Variants in USP28 observed in about 807,000 individuals in gnomAD.
The protein encoded by USP28 is ubiquitin specific peptidase 28.
In USP28, 113 loss-of-function variants were observed where a neutral mutation model predicts 145.0. That is an observed-to-expected ratio of 0.78 (90% CI 0.67 to 0.91). The LOEUF is 0.91. USP28 is among the 40% of genes least tolerant of loss of function. USP28 has a pLI of 0.00. For synonymous variants in USP28, 447 were observed against 450.9 expected, an observed-to-expected ratio of 0.99 and a Z score of 0.11; for missense variants, 1,201 against 1,289.6, an observed-to-expected ratio of 0.93 and a Z score of 1.05.
chr11:113,859,182 T>G (rs1459174914), intron 1 of USP28, among the ~76,000 whole-genome samples: 2 of 152,138 alleles, frequency 1.3e-5, no homozygotes, highest in Non-Finnish European at 2.9e-5. Flanking sequence ...TGGCTTAACA[T>G]ATGACAGGAA....
intron 1 of USP28, among the ~76,000 whole-genome samples, chr11:113,858,501 T>C (rs1356983671): frequency 6.6e-6 from 1 of 152,200 alleles, no homozygotes; most frequent in East Asian, 1.9e-4. Context: ...CCCATACTGT[T>C]CTCTCCCCTT....
intron 12 of USP28, among the ~76,000 whole-genome samples, chr11:113,823,308 T>C (rs770389321): frequency 3.9e-4 from 59 of 152,102 alleles, no homozygotes; most frequent in Non-Finnish European, 6.6e-4. Context: ...GTGAAAAAGA[T>C]GGCAAGGGGA....
chr11:113,809,194 T>A, exon 17 of USP28: 1 of 1,614,230 alleles, frequency 6.2e-7, no homozygotes, highest in Non-Finnish European at 8.5e-7. Flanking sequence ...AATGTAATGC[T>A]TGAGTTCCAC....
intron 10 of USP28, chr11:113,828,955 AAAC>A (rs1189907032): frequency 1.1e-5 from 7 of 648,710 alleles, no homozygotes; most frequent in Non-Finnish European, 2.0e-5. Flanking sequence ...ATCATACTTA[AAAC>A]ATCAGAAGCA....
At chr11:113,874,560 C>A (rs1417162331) in intron 1 of USP28, 2 of 1,288,396 alleles carry the variant, frequency 1.6e-6, no homozygotes, top group Admixed American at 2.3e-5. Context: ...AATATAGTTT[C>A]TCATCTCCAA....
chr11:113,832,651 T>A (rs1944134121), intron 7 of USP28, among the ~76,000 whole-genome samples: 1 of 152,094 alleles, frequency 6.6e-6, no homozygotes, highest in South Asian at 2.1e-4. Context: ...GAGATCTGAA[T>A]AAAGAAAGAA....
At chr11:113,874,093 A>G (rs1045760841) in intron 1 of USP28, among the ~76,000 whole-genome samples, 4 of 145,768 alleles carry the variant, frequency 2.7e-5, no homozygotes, top group African/African-American at 7.7e-5. Context: ...GTGAGCCGAG[A>G]TCGCGCCACT....
At chr11:113,810,034 C>CAAAAA (rs368686301) in intron 16 of USP28, among the ~76,000 whole-genome samples, 18 of 68,956 alleles carry the variant, frequency 2.6e-4, no homozygotes, top group South Asian at 1.2e-3. Flanking sequence ...GACTCCATCT[C>CAAAAA]AAAAAAAAAA....
chr11:113,849,976 T>C (rs1007399912), intron 3 of USP28, among the ~76,000 whole-genome samples: 1 of 152,196 alleles, frequency 6.6e-6, no homozygotes, highest in African/African-American at 2.4e-5. Context: ...TCCACCTTCC[T>C]GGAGTGAGCC....
At chr11:113,840,524 T>C (rs1945080572) in intron 5 of USP28, 74 bp downstream of exon 5, 6 of 1,531,974 alleles carry the variant, frequency 3.9e-6, no homozygotes, top group Non-Finnish European at 5.3e-6. Context: ...TTGAAAGCTA[T>C]GTTTCTACAT....
intron 7 of USP28, among the ~76,000 whole-genome samples, chr11:113,832,594 A>G (rs914575676): frequency 6.6e-6 from 1 of 152,196 alleles, no homozygotes; most frequent in East Asian, 1.9e-4. Flanking sequence ...AAATCTTCCA[A>G]GTAGGACTTT....
At chr11:113,874,423 GAAA>G (rs778295743) in intron 1 of USP28, 5,050 of 411,120 alleles carry the variant, frequency 0.012, 1 homozygote, top group Middle Eastern at 0.019. Flanking sequence ...AGACTCTGTC[GAAA>G]AAAAAAAAAA....
At chr11:113,836,969 T>C (rs1292378763) in intron 5 of USP28, among the ~76,000 whole-genome samples, 1 of 152,112 alleles carries the variant, frequency 6.6e-6, no homozygotes, top group Admixed American at 6.5e-5. Flanking sequence ...ACCTGGAATG[T>C]TTTTTTATCC....
intron 3 of USP28, among the ~76,000 whole-genome samples, chr11:113,848,722 T>C (rs1946142254): frequency 6.6e-6 from 1 of 152,226 alleles, no homozygotes; most frequent in African/African-American, 2.4e-5. Flanking sequence ...CTGGAGAATG[T>C]TCCCTCTACC....
At chr11:113,837,334 G>A (rs1046415461) in intron 5 of USP28, among the ~76,000 whole-genome samples, 3 of 152,260 alleles carry the variant, frequency 2.0e-5, no homozygotes, top group South Asian at 2.1e-4. Context: ...GAGGGAACTC[G>A]CATGCATCCA....
At chr11:113,854,737 A>C (rs971313748) in intron 1 of USP28, among the ~76,000 whole-genome samples, 19 of 152,190 alleles carry the variant, frequency 1.2e-4, no homozygotes, top group African/African-American at 3.6e-4. Flanking sequence ...AACAAGCTCC[A>C]AGAAACAAGG....
chr11:113,827,443 A>G, intron 10 of USP28, 83 bp from the exon 11 acceptor site: 2 of 1,413,632 alleles, frequency 1.4e-6, no homozygotes, highest in Non-Finnish European at 1.9e-6. Context: ...ATCTCTCATT[A>G]AAGTTTCTTC....
chr11:113,804,645 C>T, intron 21 of USP28, 28 bp downstream of exon 22: 1 of 1,591,844 alleles, frequency 6.3e-7, no homozygotes. Context: ...AATGTTTTTG[C>T]TCTATAGACT....
intron 18 of USP28, chr11:113,808,008 C>A: frequency 8.2e-7 from 1 of 1,217,960 alleles, no homozygotes; most frequent in Non-Finnish European, 1.0e-6. Flanking sequence ...CACTGGGAAT[C>A]TCGACTTCAG....
Sources: allele counts gnomAD v4.1 joint callset (sites outside exome capture counted in the v4.1 genomes callset), GRCh38; gene constraint gnomAD v4.1.1; transcripts MANE v1.5; gene names NCBI Gene and HGNC (gene_info 2026-07-23, HGNC 2026-07-21).